CARD8: variants seen among roughly 807,000 people sequenced by gnomAD.
The protein encoded by CARD8 is caspase recruitment domain-containing protein 8.
Under a neutral mutation model 53.2 loss-of-function variants are expected in CARD8, and 38 were observed. The observed-to-expected ratio is 0.71, with a 90% CI of 0.55 to 0.94. The LOEUF (loss-of-function observed/expected upper bound fraction) is 0.94, where lower values mean the gene tolerates loss of function less well. Ranked by LOEUF, CARD8 falls within the 40% of genes least tolerant of loss-of-function variation. CARD8 has a pLI of 0.00. For synonymous variants in CARD8, 245 were observed against 244.9 expected (o/e 1.00, Z 0.00); for missense variants, 561 against 655.5 (o/e 0.86, Z 1.57).
chr19:48,225,728 T>C (rs2041635404), intron 10 of CARD8, among the ~76,000 whole-genome samples: 2 of 151,306 alleles, frequency 1.3e-5, no homozygotes, highest in East Asian at 2.0e-4. Context: ...TGATAGGAGA[T>C]GGATAACTGA....
intron 5 of CARD8, 97 bp from the exon 6 acceptor site, chr19:48,234,640 C>T: frequency 8.9e-7 from 1 of 1,125,042 alleles, no homozygotes; most frequent in Non-Finnish European, 1.3e-6. Flanking sequence ...TAGCCATAGA[C>T]TCAATATTTT....
At chr19:48,207,742 T>TTC (rs371406905), downstream of CARD8, among the ~76,000 whole-genome samples, 41,988 of 132,392 alleles carry the variant, frequency 0.32, 7,299 homozygotes, top group East Asian at 0.51. Flanking sequence ...CTGTTTTTTT[T>TTC]TTTTTTTTTT....
At chr19:48,232,199 A>G (rs1325291778) in intron 7 of CARD8, 2 of 586,264 alleles carry the variant, frequency 3.4e-6, no homozygotes, top group Non-Finnish European at 6.1e-6. Flanking sequence ...GAGGCGAAAG[A>G]GCGTGCATCC....
chr19:48,214,074 G>T (rs2038648122), intron 13 of CARD8, among the ~76,000 whole-genome samples: 1 of 152,136 alleles, frequency 6.6e-6, no homozygotes, highest in Non-Finnish European at 1.5e-5. Flanking sequence ...ATTTGCTGTT[G>T]TATGCTCTTT....
chr19:48,224,980 C>T (rs989634240), intron 10 of CARD8, among the ~76,000 whole-genome samples: 1 of 151,808 alleles, frequency 6.6e-6, no homozygotes, highest in African/African-American at 2.4e-5. Flanking sequence ...GTCTCGATCT[C>T]CTGCCCTCGT....
In CARD8 at chr19:48,221,813, G is replaced by T; in HGVS notation, c.1078C>A (p.Gln360Lys). The T allele has an allele frequency of 6.2e-7, 1 of 1,610,540 alleles. No homozygotes were observed. The highest frequency in any genetic ancestry group is 8.5e-7 in the Non-Finnish European group (1 of 1,177,446). ...EEDRFHGVRL[Q>K]TSPPMEPLNF... The stretch of plus-strand genomic sequence containing the variant: ...AGGGGTTCCATTGGGGGCGAAGTCT[G>T]CAGGCGCACACCATGGAAGCGATCT... Residue 360 changes from glutamine to lysine, a missense_variant, in exon 11 of 14, where the codon CAG becomes AAG. Transcript: ENST00000651546.
chr19:48,249,349 G>C (rs1053687121), intron 3 of CARD8, among the ~76,000 whole-genome samples, 174 bp downstream of exon 3: 24 of 152,154 alleles, frequency 1.6e-4, no homozygotes, highest in African/African-American at 5.8e-4. Context: ...AGACGTTTCT[G>C]GATAGTGGCA....
intron 10 of CARD8, among the ~76,000 whole-genome samples, chr19:48,230,085 C>G (rs1286865270): frequency 6.6e-6 from 1 of 152,114 alleles, no homozygotes; most frequent in East Asian, 1.9e-4. Context: ...TTCACTCCAG[C>G]CTGGGTGACA....
chr19:48,230,707 G>A lies in CARD8; in HGVS notation c.773-7C>T, dbSNP rs772812237. 153 of 1,613,308 alleles carry A rather than the reference G, an allele frequency of 9.5e-5. 3 individuals are homozygous for A. The South Asian group carries it at 1.6e-3, about 17-fold the overall frequency. On this transcript the variant is annotated splice_polypyrimidine_tract_variant and splice_region_variant and intron_variant, in intron 9 of 13. Transcript: ENST00000651546. The stretch of plus-strand genomic sequence containing the variant: ...GAGACGTCCACCTCACCTGCTGCAG[G>A]AGAACCACAACAGCAGTGAGACGGC...
intron 4 of CARD8, among the ~76,000 whole-genome samples, chr19:48,238,810 T>C (rs6509364): frequency 0.69 from 105,629 of 151,992 alleles, 36,813 homozygotes; most frequent in African/African-American, 0.76. Context: ...CTCAGAGATG[T>C]CTTAGAGATG....
chr19:48,234,530 G>A lies in CARD8; in HGVS notation c.223C>T (p.Leu75=), dbSNP rs1368793461. The A allele has an allele frequency of 6.2e-7, 1 of 1,613,052 alleles. No individual in the cohort carries two copies. Among genetic ancestry groups the A allele is most frequent in the Admixed American group, 1.7e-5 (1 of 59,686 alleles). Residue 75 remains leucine, a synonymous_variant, in exon 6 of 14, where the codon CTA becomes TTA. Transcript: ENST00000651546. ...CVTNDTVYRE[L]PCVSETLCDI... ...CAAAGGGTCTCAGAAACACAGGGTAGCTCCCTGTATACCCTGGAAAACAAC... is the reference window on the plus strand; with the variant it reads ...CAAAGGGTCTCAGAAACACAGGGTAACTCCCTGTATACCCTGGAAAACAAC...
intron 13 of CARD8, among the ~76,000 whole-genome samples, chr19:48,212,698 C>G (rs1171720391): frequency 1.3e-5 from 2 of 152,212 alleles, no homozygotes; most frequent in African/African-American, 4.8e-5. Context: ...TTTTGCTCCA[C>G]ATCCTAAACA....
intron 1 of CARD8, among the ~76,000 whole-genome samples, chr19:48,253,119 C>T (rs1261817011): frequency 6.6e-6 from 1 of 152,064 alleles, no homozygotes; most frequent in Non-Finnish European, 1.5e-5. Context: ...GTTTGTGGTA[C>T]AGGAAAACGT....
intron 1 of CARD8, among the ~76,000 whole-genome samples, chr19:48,251,764 A>T (rs1358452311): frequency 1.3e-5 from 2 of 152,144 alleles, no homozygotes; most frequent in Non-Finnish European, 2.9e-5. Context: ...ATCATTTATA[A>T]ATGTCATGGT....
chr19:48,238,317 G>A (rs1329520258), intron 5 of CARD8, 66 bp downstream of exon 5: 3 of 1,498,616 alleles, frequency 2.0e-6, no homozygotes, highest in Non-Finnish European at 2.7e-6. Context: ...TCTTATGAAT[G>A]TACATAAACC....
intron 4 of CARD8, among the ~76,000 whole-genome samples, chr19:48,239,913 A>T (rs556061493): frequency 1.4e-4 from 22 of 152,244 alleles, no homozygotes; most frequent in African/African-American, 4.8e-4. Flanking sequence ...TAGAGGGCAG[A>T]CTTCTTGTTC....
chr19:48,224,869 T>C (rs918348752), intron 10 of CARD8, among the ~76,000 whole-genome samples: 7 of 150,494 alleles, frequency 4.7e-5, no homozygotes, highest in African/African-American at 1.5e-4. Context: ...TTCTCCCACC[T>C]CAGCCTCCCG....
Sources: allele counts gnomAD v4.1 joint callset (sites outside exome capture counted in the v4.1 genomes callset), GRCh38; gene constraint gnomAD v4.1.1; transcripts MANE v1.5; gene names NCBI Gene and HGNC (gene_info 2026-07-23, HGNC 2026-07-21).